Variants in EEF1D observed in about 807,000 individuals in gnomAD.
EEF1D encodes the protein elongation factor 1-delta.
A neutral mutation model predicts 63.9 loss-of-function variants in EEF1D; 47 were observed. That is an observed-to-expected ratio of 0.74 (90% CI 0.58 to 0.94). The LOEUF (loss-of-function observed/expected upper bound fraction) is 0.94, where lower values mean the gene tolerates loss of function less well. EEF1D is among the 40% of genes least tolerant of loss of function. The pLI is 0.00. For synonymous variants in EEF1D, 412 were observed against 386.1 expected (o/e 1.07, Z -0.79); for missense variants, 907 against 899.0 (o/e 1.01, Z -0.11).
chr8:143,580,870 C>T, intron 7 of EEF1D, 143 bp from the exon 8 acceptor site: 2 of 1,171,472 alleles, frequency 1.7e-6, no homozygotes, highest in Non-Finnish European at 1.2e-6. Context: ...CATGCAGGGC[C>T]CCAGGAAAGA....
In EEF1D at chr8:143,580,525, A is replaced by G. The variant is rs1413038431; in HGVS notation, c.1691T>C (p.Ile564Thr). ...KKPALVAKSS[I>T]LLDVKPWDDE... ...ACTCACAGGCTTGACATCCAGCAGG[A>G]TGGAGGACTTGGCCACCAGTGCAGG... Residue 564 changes from isoleucine to threonine, a missense_variant, in exon 8 of 10, where the codon ATC becomes ACC. Physicochemically the swap from Ile to Thr is moderately conservative, Grantham distance 89. Transcript: ENST00000618139. 3.1e-6 allele frequency: 5 copies of G among 1,612,734 alleles called. No individual in the cohort carries two copies. The highest frequency in any genetic ancestry group is 4.2e-6 in the Non-Finnish European group (5 of 1,179,810).
chr8:143,596,817 C>T (rs1294251584), intron 1 of EEF1D: 1 of 152,278 alleles, frequency 6.6e-6, no homozygotes, highest in African/African-American at 2.4e-5. Context: ...CCACCCTATC[C>T]AAATCAAGAG....
chr8:143,591,956 G>T, intron 2 of EEF1D: 1 of 883,580 alleles, frequency 1.1e-6, no homozygotes, highest in South Asian at 5.2e-5. Context: ...CATGTGGCCC[G>T]AATCCCGCAG....
At chr8:143,586,932 A>G in intron 3 of EEF1D, 80 bp from the exon 4 acceptor site, 5 of 1,572,314 alleles carry the variant, frequency 3.2e-6, no homozygotes, top group Non-Finnish European at 4.3e-6. Flanking sequence ...ACCAAGGTGC[A>G]GTGGGGCTGA....
chr8:143,587,060 G>T, intron 3 of EEF1D: 1 of 562,420 alleles, frequency 1.8e-6, no homozygotes, highest in Admixed American at 3.4e-5. Flanking sequence ...TGTGGTCCGA[G>T]AACCTCTGAG....
At chr8:143,584,434 G>A (rs983092485) in intron 5 of EEF1D, among the ~76,000 whole-genome samples, 8 of 151,866 alleles carry the variant, frequency 5.3e-5, no homozygotes, top group Non-Finnish European at 8.8e-5. Context: ...GGGCTTGGTG[G>A]CAGACACCTG....
chr8:143,588,911 G>A, intron 3 of EEF1D, 80 bp downstream of exon 3: 2 of 1,494,740 alleles, frequency 1.3e-6, no homozygotes, highest in South Asian at 2.6e-5. Flanking sequence ...AGGGGAGGAA[G>A]CTGGAGGAGC....
intron 1 of EEF1D, among the ~76,000 whole-genome samples, chr8:143,595,008 C>T (rs550751223): frequency 5.3e-5 from 8 of 152,236 alleles, no homozygotes; most frequent in Middle Eastern, 3.4e-3. Context: ...CCGGTTCAAG[C>T]GATTCTCCTG....
intron 5 of EEF1D, among the ~76,000 whole-genome samples, chr8:143,584,881 T>C (rs1826272749): frequency 6.6e-6 from 1 of 152,182 alleles, no homozygotes; most frequent in African/African-American, 2.4e-5. Flanking sequence ...TTTTCCCATT[T>C]TGAAAGGGAA....
chr8:143,590,339 G>C (rs2131169643), intron 2 of EEF1D: 2 of 641,190 alleles, frequency 3.1e-6, no homozygotes, highest in East Asian at 5.5e-5. Context: ...AGTACTCTGG[G>C]AGGCCAAGTG....
intron 3 of EEF1D, chr8:143,587,172 A>G (rs1826830499): frequency 4.8e-6 from 1 of 206,924 alleles, no homozygotes; most frequent in Admixed American, 5.8e-5. Context: ...CCACTAAGCC[A>G]GACACCCGAG....
rs1209170957 is a variant in EEF1D, at chr8:143,580,033, C to A, written c.1884G>T (p.Glu628Asp). 1.2e-6 allele frequency: 2 copies of A among 1,613,838 alleles called. No homozygotes were observed. The highest frequency in any genetic ancestry group is 2.2e-5 in the South Asian group (2 of 91,076). The change falls in exon 9 of 10, where the codon GAG becomes GAT. Residue 628 changes from glutamate (E) to aspartate (D), a missense_variant. By Grantham distance (45) the Glu-to-Asp change is conservative. Coordinates refer to ENST00000618139, the MANE Select transcript of EEF1D (RefSeq NM_001130053.5). ...TCACGTGCTCCTCAAACTTGGTGATCTCCTCCTCCAGCAAGTCTGTCCCCA... is the reference window on the plus strand; with the variant it reads ...TCACGTGCTCCTCAAACTTGGTGATATCCTCCTCCAGCAAGTCTGTCCCCA... ...DKVGTDLLEE[E>D]ITKFEEHVQS... is the part of the protein sequence containing the mutation.
chr8:143,592,457 C>T (rs1165954125), intron 2 of EEF1D, among the ~76,000 whole-genome samples, 190 bp downstream of exon 2: 2 of 152,158 alleles, frequency 1.3e-5, no homozygotes, highest in South Asian at 2.1e-4. Context: ...CTCACGGCCA[C>T]ACAGGGTGCC....
At chr8:143,593,775 A>T in intron 1 of EEF1D, 16 of 833,058 alleles carry the variant, frequency 1.9e-5, no homozygotes, top group Non-Finnish European at 2.3e-5. Context: ...GGCCACTAAC[A>T]GCGGGCAGAG....
At chr8:143,580,827 G>C in intron 7 of EEF1D, 100 bp from the exon 8 acceptor site, 6 of 1,406,160 alleles carry the variant, frequency 4.3e-6, no homozygotes, top group Non-Finnish European at 5.9e-6. Flanking sequence ...TTTGACTGGA[G>C]GAAGGGCAGC....
intron 1 of EEF1D, chr8:143,593,798 C>G: frequency 1.1e-6 from 1 of 950,456 alleles, no homozygotes; most frequent in Non-Finnish European, 1.3e-6. Context: ...CCTCCCAGGA[C>G]AGCCAGCACA....
In EEF1D at chr8:143,589,563, A is replaced by T. The variant is rs2131131796; in HGVS notation, c.519T>A (p.Ala173=). 6.6e-7 allele frequency: 1 copy of T among 1,515,130 alleles called. No individual in the cohort carries two copies. Among genetic ancestry groups the T allele is most frequent in the East Asian group, 2.3e-5 (1 of 43,528 alleles). The allele number at this position is 1,515,130 out of a possible 1,614,324, so 93.9% of individuals were successfully genotyped here. A position where few individuals can be genotyped will look rare whatever the true frequency, so the allele number is the denominator to read the frequency against. Residue 173 remains alanine (A), a synonymous_variant, in exon 3 of 10, where the codon GCT becomes GCA. Transcript: ENST00000618139. ...IWVNKSSFDQ[A]ERAFVEWSQA... is the part of the protein sequence containing the mutation. The stretch of plus-strand genomic sequence containing the variant: ...GAGACCACTCCACGAAGGCCCGCTC[A>T]GCCTGGTCGAAGGAGGACTTGTTGA...
At chr8:143,595,080 G>T (rs1455334551) in intron 1 of EEF1D, among the ~76,000 whole-genome samples, 5 of 149,462 alleles carry the variant, frequency 3.3e-5, no homozygotes, top group Non-Finnish European at 5.9e-5. Context: ...TAATTTTTGG[G>T]TTTTTTTTGA....
intron 3 of EEF1D, 141 bp downstream of exon 3, chr8:143,588,850 T>C: frequency 8.6e-7 from 1 of 1,158,044 alleles, no homozygotes; most frequent in East Asian, 2.6e-5. Context: ...TGCTCCTGCA[T>C]TCAACTCTGC....
Sources: allele counts gnomAD v4.1 joint callset (sites outside exome capture counted in the v4.1 genomes callset), GRCh38; gene constraint gnomAD v4.1.1; transcripts MANE v1.5; gene names NCBI Gene and HGNC (gene_info 2026-07-23, HGNC 2026-07-21).